Variants in TNNI3K observed in about 807,000 individuals in gnomAD.
TNNI3K encodes serine/threonine-protein kinase TNNI3K.
In TNNI3K, 140 loss-of-function variants were observed where a neutral mutation model predicts 114.5. That is an observed-to-expected ratio of 1.22 (90% CI 1.07 to 1.41). The LOEUF (loss-of-function observed/expected upper bound fraction) is 1.41. Ranked by LOEUF, TNNI3K falls within the 40% of genes most tolerant of loss-of-function variation. The probability of loss-of-function intolerance (pLI) is 0.00; values close to 1 mark genes in which losing one functional copy is unlikely to be tolerated. For synonymous variants in TNNI3K, 347 were observed against 347.5 expected (o/e 1.00, Z 0.02); for missense variants, 1,125 against 1,007.6 (o/e 1.12, Z -1.58).
intron 5 of TNNI3K, among the ~76,000 whole-genome samples, chr1:74,315,557 T>C (rs923268874): frequency 6.8e-6 from 1 of 146,254 alleles, no homozygotes; most frequent in African/African-American, 2.5e-5. Flanking sequence ...AAGTTTTTGG[T>C]TTTTTTTTTT....
At chr1:74,412,785 T>A (rs767684378) in intron 17 of TNNI3K, among the ~76,000 whole-genome samples, 30 of 152,094 alleles carry the variant, frequency 2.0e-4, no homozygotes, top group Non-Finnish European at 4.0e-4. Flanking sequence ...TGGCTAATTC[T>A]TGTATTTTTA....
At chr1:74,271,795 A>G in intron 5 of TNNI3K, 87 bp downstream of exon 5, 1 of 1,140,228 alleles carries the variant, frequency 8.8e-7, no homozygotes, top group Non-Finnish European at 1.2e-6. Context: ...ACTGTCTTTG[A>G]GACTTTACAA....
intron 21 of TNNI3K, among the ~76,000 whole-genome samples, chr1:74,475,107 C>T (rs1381096772): frequency 7.2e-6 from 1 of 139,408 alleles, no homozygotes; most frequent in Non-Finnish European, 1.5e-5. Flanking sequence ...ACTTCATCTC[C>T]ACCTCAGCCC....
chr1:74,445,572 A>G (rs1250720586), intron 20 of TNNI3K, among the ~76,000 whole-genome samples: 3 of 149,370 alleles, frequency 2.0e-5, no homozygotes, highest in Non-Finnish European at 4.5e-5. Flanking sequence ...ATGGCTGCAT[A>G]GTATTCCATG....
At chr1:74,372,002 T>G (rs1006960275) in intron 17 of TNNI3K, 1 of 149,578 alleles carries the variant, frequency 6.7e-6, no homozygotes, top group African/African-American at 2.5e-5. Context: ...TTATTCAAGC[T>G]CAAAGCTTGA....
At chr1:74,243,329 A>G (rs185004386) in intron 2 of TNNI3K, among the ~76,000 whole-genome samples, 5 of 152,242 alleles carry the variant, frequency 3.3e-5, no homozygotes, top group South Asian at 2.1e-4. Context: ...GTCTGCTTCT[A>G]TTGTTTGGAG....
chr1:74,372,081 A>G (rs1379072435), intron 17 of TNNI3K: 1 of 95,534 alleles, frequency 1.0e-5, no homozygotes, highest in African/African-American at 3.3e-5. Context: ...TGGTTACAAG[A>G]TAGTTTTTAA....
intron 5 of TNNI3K, among the ~76,000 whole-genome samples, chr1:74,319,601 C>G (rs1257195627): frequency 3.3e-5 from 5 of 151,992 alleles, no homozygotes; most frequent in African/African-American, 1.2e-4. Context: ...ATGTTTTGGC[C>G]TCATCTTCAT....
intron 20 of TNNI3K, among the ~76,000 whole-genome samples, chr1:74,451,260 A>AG (rs1291491033): frequency 4.6e-5 from 7 of 152,050 alleles, no homozygotes; most frequent in South Asian, 4.2e-4. Context: ...AGGCAGGGGG[A>AG]GGGAGAGCAC....
At chr1:74,459,321 C>A (rs1667352090) in intron 20 of TNNI3K, among the ~76,000 whole-genome samples, 1 of 152,142 alleles carries the variant, frequency 6.6e-6, no homozygotes, top group South Asian at 2.1e-4. Flanking sequence ...GACCTCAAGG[C>A]ATTTATGATC....
chr1:74,521,793 T>A (rs559229418), intron 23 of TNNI3K, among the ~76,000 whole-genome samples: 1 of 152,294 alleles, frequency 6.6e-6, no homozygotes, highest in African/African-American at 2.4e-5. Flanking sequence ...GGTGAGTGAA[T>A]GTTTCTTGCT....
intron 17 of TNNI3K, among the ~76,000 whole-genome samples, chr1:74,403,836 C>A (rs376271089): frequency 6.6e-6 from 1 of 152,260 alleles, no homozygotes; most frequent in African/African-American, 2.4e-5. Flanking sequence ...CCATGCTAAT[C>A]ACATTACCAT....
At chr1:74,293,941 G>C (rs1448648507) in intron 5 of TNNI3K, among the ~76,000 whole-genome samples, 2 of 151,466 alleles carry the variant, frequency 1.3e-5, no homozygotes, top group Admixed American at 1.3e-4. Flanking sequence ...CTCATCTATT[G>C]AGATCATTAT....
intron 9 of TNNI3K, among the ~76,000 whole-genome samples, chr1:74,347,344 G>C (rs1661066919): frequency 6.6e-6 from 1 of 151,780 alleles, no homozygotes; most frequent in Non-Finnish European, 1.5e-5. Flanking sequence ...CATTTTTTAT[G>C]GCTGCATAGT....
chr1:74,496,194 G>T (rs370268313), intron 23 of TNNI3K, among the ~76,000 whole-genome samples: 132 of 152,246 alleles, frequency 8.7e-4, no homozygotes, highest in African/African-American at 2.9e-3. Flanking sequence ...ATGATACGAT[G>T]CTAACCTGCC....
intron 17 of TNNI3K, among the ~76,000 whole-genome samples, chr1:74,406,639 G>A (rs1417679600): frequency 3.3e-5 from 5 of 152,116 alleles, no homozygotes; most frequent in Non-Finnish European, 2.9e-5. Flanking sequence ...CTTATTTTAA[G>A]GCCTGTAACC....
chr1:74,300,300 T>A (rs1448308553), intron 5 of TNNI3K, among the ~76,000 whole-genome samples: 1 of 152,232 alleles, frequency 6.6e-6, no homozygotes, highest in Non-Finnish European at 1.5e-5. Flanking sequence ...CACCTACATA[T>A]GTGCTCACAT....
At chr1:74,409,098 C>T (rs932191777) in intron 17 of TNNI3K, among the ~76,000 whole-genome samples, 2 of 152,020 alleles carry the variant, frequency 1.3e-5, no homozygotes. Flanking sequence ...CTTTTCTATT[C>T]ATTATTTATT....
At chr1:74,437,066 CCTGAAAAAAAGTAGA>C (rs1340714156) in intron 19 of TNNI3K, among the ~76,000 whole-genome samples, 1 of 151,938 alleles carries the variant, frequency 6.6e-6, no homozygotes, top group Non-Finnish European at 1.5e-5. Context: ...AATCCCTCCC[CCTGAAAAAAAGTAGA>C]CTTCTCTTTC....
Sources: allele counts gnomAD v4.1 joint callset (sites outside exome capture counted in the v4.1 genomes callset), GRCh38; gene constraint gnomAD v4.1.1; transcripts MANE v1.5; gene names NCBI Gene and HGNC (gene_info 2026-07-23, HGNC 2026-07-21).